The following TBC1D17 variants were observed in gnomAD, a reference collection of about 807,000 sequenced individuals.
TBC1D17 encodes TBC1 domain family member 17.
A neutral mutation model predicts 78.8 loss-of-function variants in TBC1D17; 69 were observed. The ratio of observed to expected loss-of-function variants is 0.88; its 90% CI spans 0.72 to 1.07. The LOEUF is 1.07. Ranked by LOEUF, TBC1D17 falls within the 50% of genes least tolerant of loss-of-function variation. The pLI, the probability that TBC1D17 is intolerant of heterozygous loss-of-function variation, is 0.00. For synonymous variants in TBC1D17, 456 were observed against 358.3 expected (o/e 1.27, Z -3.08); for missense variants, 957 against 861.0 (o/e 1.11, Z -1.39).
At chr19:49,877,974 C>T in intron 1 of TBC1D17, 169 bp from the exon 2 acceptor site, 1 of 717,122 alleles carries the variant, frequency 1.4e-6, no homozygotes, top group Non-Finnish European at 2.3e-6. Flanking sequence ...GTGGAACGCA[C>T]GTCAGCATCC....
In TBC1D17 at chr19:49,882,849, G is replaced by T. The variant is rs372112489; in HGVS notation, c.884G>T (p.Arg295Leu). The T allele has an allele frequency of 3.7e-6, 6 of 1,611,366 alleles. No individual in the cohort carries two copies. The highest frequency in any genetic ancestry group is 5.1e-6 in the Non-Finnish European group (6 of 1,179,260). The stretch of plus-strand genomic sequence containing the variant: ...GCACGCCACGTGGGCCCTGAAGGTC[G>T]CCTGCAGCAGGTCCCTGAGCTGAAG... Reference protein sequence around the residue: ...EWARHVGPEGRLQQVPELKNR... With the variant: ...EWARHVGPEGLLQQVPELKNR... The change falls in exon 8 of 17, where the codon CGC (arginine) becomes CTC (leucine). Residue 295 changes from arginine to leucine, a missense_variant. Physicochemically the swap from Arg to Leu is moderately radical, Grantham distance 102. Coordinates refer to ENST00000221543, the MANE Select transcript of TBC1D17 (RefSeq NM_024682.3).
intron 3 of TBC1D17, among the ~76,000 whole-genome samples, 193 bp from the exon 4 acceptor site, chr19:49,880,086 G>A (rs2074999207): frequency 1.3e-5 from 2 of 151,894 alleles, no homozygotes; most frequent in African/African-American, 4.8e-5. Context: ...TCGAACTCCC[G>A]ACCTCAGGTG....
chr19:49,881,599 C>T, intron 5 of TBC1D17, 124 bp downstream of exon 5: 1 of 954,832 alleles, frequency 1.0e-6, no homozygotes, highest in Admixed American at 2.7e-5. Flanking sequence ...AAGAGTTGAC[C>T]AGCACATATA....
At chr19:49,881,998 C>T (rs545147712) in intron 5 of TBC1D17, 43 bp from the exon 6 acceptor site, 4 of 1,529,930 alleles carry the variant, frequency 2.6e-6, no homozygotes, top group East Asian at 2.2e-5. Flanking sequence ...GGACACTGGG[C>T]CCCTACCTGT....
intron 13 of TBC1D17, chr19:49,887,117 G>A (rs1023950348): frequency 2.5e-5 from 8 of 324,318 alleles, no homozygotes; most frequent in Admixed American, 9.0e-5. Flanking sequence ...GGTTACAGGC[G>A]TGCGCCATCG....
intron 4 of TBC1D17, 82 bp downstream of exon 4, chr19:49,880,484 G>A: frequency 6.5e-7 from 1 of 1,528,808 alleles, no homozygotes. Context: ...GGTCCCAAGG[G>A]CTTTGCTGCC....
rs746299813 is a variant in TBC1D17, at chr19:49,883,657, G to C, written c.1038G>C (p.Glu346Asp). Residue 346 changes from glutamate (E) to aspartate (D), a missense_variant, in exon 10 of 17, where the codon GAG becomes GAC. Coordinates refer to ENST00000221543, the MANE Select transcript of TBC1D17 (RefSeq NM_024682.3). ...HKAHIRKKTDEYFRMKLQWKS... is the reference protein window; with the variant it reads ...HKAHIRKKTDDYFRMKLQWKS... ...GTTTCCCTCTGTCACTCAGGGATGA[G>C]TATTTCCGCATGAAGCTGCAGTGGA... The C allele has an allele frequency of 1.2e-5, 20 of 1,613,886 alleles. No homozygotes were observed. In the East Asian group the frequency reaches 3.3e-4, roughly 27 times the overall value.
chr19:49,879,957 G>A (rs563264219), intron 3 of TBC1D17, among the ~76,000 whole-genome samples: 7 of 150,958 alleles, frequency 4.6e-5, no homozygotes, highest in Non-Finnish European at 4.4e-5. Flanking sequence ...AGGTTCAAGC[G>A]ATTTTCCTTT....
In TBC1D17 at chr19:49,882,833, GT is replaced by G; in HGVS notation, c.869del (p.Val290GlyfsTer13). ...TACAGAGGAGGAGTGGGCACGCCAC[GT>G]GGGCCCTGAAGGTCGCCTGCAGCAG... is the stretch of plus-strand genomic sequence containing the variant. ...PVTEEEWARH[V>X]GPEGRLQQVP... On this transcript the variant is annotated frameshift_variant, in exon 8 of 17. Coordinates refer to ENST00000221543, the MANE Select transcript of TBC1D17 (RefSeq NM_024682.3). LOFTEE classifies it high-confidence loss of function. The G allele has an allele frequency of 6.2e-7, 1 of 1,611,276 alleles. No individual in the cohort carries two copies. Among genetic ancestry groups the G allele is most frequent in the Non-Finnish European group, 8.5e-7 (1 of 1,179,214 alleles).
chr19:49,882,695 G>A, intron 7 of TBC1D17, 69 bp from the exon 8 acceptor site: 1 of 1,457,780 alleles, frequency 6.9e-7, no homozygotes, highest in South Asian at 1.4e-5. Context: ...CTGAGCTTGT[G>A]GACTGAGGCT....
chr19:49,886,343 T>A (rs1311378855), intron 13 of TBC1D17, among the ~76,000 whole-genome samples: 1 of 152,206 alleles, frequency 6.6e-6, no homozygotes, highest in Non-Finnish European at 1.5e-5. Flanking sequence ...GTTAAACTTA[T>A]TCATGAACAT....
At chr19:49,884,038 G>C (rs1396448728) in intron 10 of TBC1D17, among the ~76,000 whole-genome samples, 1 of 152,194 alleles carries the variant, frequency 6.6e-6, no homozygotes, top group Admixed American at 6.5e-5. Context: ...TTCCCCTACT[G>C]TGGGAGGATA....
At chr19:49,887,610 TG>T in intron 14 of TBC1D17, 37 bp downstream of exon 14, 2 of 1,611,786 alleles carry the variant, frequency 1.2e-6, no homozygotes, top group South Asian at 2.2e-5. Flanking sequence ...CCTGAAGGGG[TG>T]GGCTCACCTG....
At chr19:49,887,240 C>CAGA (rs1464440504) in intron 13 of TBC1D17, 1 of 530,076 alleles carries the variant, frequency 1.9e-6, no homozygotes, top group Non-Finnish European at 3.4e-6. Context: ...GGGCGTCCTG[C>CAGA]CTCCCTTCCA....
At chr19:49,880,866 C>T (rs1187674947) in intron 4 of TBC1D17, among the ~76,000 whole-genome samples, 1 of 152,236 alleles carries the variant, frequency 6.6e-6, no homozygotes, top group Non-Finnish European at 1.5e-5. Context: ...GCAGAGAGAG[C>T]AGCCCGTGCA....
In TBC1D17 at chr19:49,888,454, G is replaced by C; in HGVS notation, c.1777G>C (p.Gly593Arg). ...GCCCCACAACGTGCAGGAGATCCTG[G>C]GGCTGGCCCCGCCCGCAGAGCCCCA... ...ELPHNVQEIL[G>R]LAPPAEPHSP... The change falls in exon 17 of 17, where the codon GGG becomes CGG. Residue 593 changes from glycine to arginine, a missense_variant. Coordinates refer to ENST00000221543, the MANE Select transcript of TBC1D17 (RefSeq NM_024682.3). 6.3e-7 allele frequency: 1 copy of C among 1,599,744 alleles called. No homozygotes were observed. The highest frequency in any genetic ancestry group is 8.5e-7 in the Non-Finnish European group (1 of 1,177,096).
At position 49,888,651 on chromosome 19, in the gene TBC1D17, A is replaced by G. The variant is rs1218297531; in HGVS notation, c.*27A>G. 21 of 1,517,602 alleles carry G rather than the reference A, an allele frequency of 1.4e-5. No homozygotes were observed. In the South Asian group the frequency reaches 2.6e-4, roughly 19 times the overall value. 94.0% of individuals were successfully genotyped at this position (1,517,602 alleles called of 1,614,324 possible). On this transcript the variant is annotated 3_prime_UTR_variant, in exon 17 of 17. Coordinates refer to ENST00000221543, the MANE Select transcript of TBC1D17 (RefSeq NM_024682.3). ...CCCGCCAGGCAGCCTCGTTCTGCAC[A>G]GGCACTTTAGCCCGAGCCAGGCACA...
Position 49,888,683 on chromosome 19 carries a change from AG to A in TBC1D17, c.*64del, listed in dbSNP as rs894873432. The A allele has an allele frequency of 3.5e-6, 5 of 1,425,188 alleles. No individual in the cohort carries two copies. Among genetic ancestry groups the A allele is most frequent in the Non-Finnish European group, 4.7e-6 (5 of 1,065,198 alleles). The allele number at this position is 1,425,188 out of a possible 1,614,324, so 88.3% of individuals were successfully genotyped here. ...TTAGCCCGAGCCAGGCACACCTGCG[AG>A]GGGGCAGGTGTGCTCCGCCGCCCTG... is the stretch of plus-strand genomic sequence containing the variant. On this transcript the variant is annotated 3_prime_UTR_variant, in exon 17 of 17. Transcript: ENST00000221543.
chr19:49,881,677 T>G (rs764885546), intron 5 of TBC1D17, among the ~76,000 whole-genome samples: 1 of 152,234 alleles, frequency 6.6e-6, no homozygotes, highest in Non-Finnish European at 1.5e-5. Flanking sequence ...GAAACAGTTA[T>G]CCTTTTTCCC....
Sources: gnomAD v4.1 joint callset for allele counts (sites outside exome capture counted in the v4.1 genomes callset) on GRCh38, gnomAD v4.1.1 for gene constraint, MANE v1.5 for transcripts, NCBI Gene and HGNC (gene_info 2026-07-23, HGNC 2026-07-21) for gene names.